ADAM32: variants seen among roughly 807,000 people sequenced by gnomAD.
ADAM32 encodes the protein ADAM metallopeptidase domain 32.
In ADAM32, 89 loss-of-function variants were observed where a neutral mutation model predicts 114.9. The observed-to-expected ratio is 0.77, with a 90% confidence interval of 0.65 to 0.92. The LOEUF (loss-of-function observed/expected upper bound fraction) is 0.92. ADAM32 is among the 40% of genes least tolerant of loss of function. The pLI is 0.00. For missense variants in ADAM32, 870 were observed against 932.8 expected (o/e 0.93, Z 0.88); for synonymous variants, 285 against 307.5 (o/e 0.93, Z 0.77).
chr8:39,107,944 G>A, intron 1 of ADAM32, 111 bp downstream of exon 1: 1 of 1,356,824 alleles, frequency 7.4e-7, no homozygotes. Flanking sequence ...CTGTCACCCT[G>A]GCAACGGGGC....
At position 39,273,513 on chromosome 8, in the gene ADAM32, C is replaced by A. The variant is rs190360620; in HGVS notation, c.2202-799C>A. On this transcript the variant is annotated intron_variant, in intron 20 of 24. Transcript: ENST00000379907. ...TTGCACTCCAGCCTGGGAGACAGAG[C>A]AAGACTCCACCTCAAAAAACAAACA... Among the ~76,000 whole-genome samples, 6 of 145,774 alleles carry A rather than the reference C, an allele frequency of 4.1e-5. No individual in the cohort carries two copies. In the East Asian group the frequency reaches 1.2e-3, roughly 29 times the overall value.
At chr8:39,202,557 G>T (rs1807498870) in intron 11 of ADAM32, among the ~76,000 whole-genome samples, 1 of 151,976 alleles carries the variant, frequency 6.6e-6, no homozygotes, top group Non-Finnish European at 1.5e-5. Context: ...TATCAATTTT[G>T]TTGATCTTTT....
chr8:39,263,126 C>CATTA (rs1300355840), intron 19 of ADAM32, among the ~76,000 whole-genome samples: 1 of 152,158 alleles, frequency 6.6e-6, no homozygotes, highest in Admixed American at 6.6e-5. Flanking sequence ...GGAGGAAGTA[C>CATTA]ATTACAGTGA....
chr8:39,258,203 C>G (rs1396646856), intron 19 of ADAM32, among the ~76,000 whole-genome samples: 1 of 151,074 alleles, frequency 6.6e-6, no homozygotes, highest in East Asian at 1.9e-4. Context: ...AAACATGTAA[C>G]TTTTGGTTTC....
At chr8:39,214,675 A>G (rs191079049) in intron 12 of ADAM32, among the ~76,000 whole-genome samples, 7 of 152,190 alleles carry the variant, frequency 4.6e-5, no homozygotes, top group Non-Finnish European at 1.0e-4. Flanking sequence ...TTTGCTATGC[A>G]GAAGGCTTTT....
upstream of ADAM32, chr8:39,107,637 A>G: frequency 4.7e-6 from 7 of 1,485,794 alleles, no homozygotes; most frequent in South Asian, 6.6e-5. Flanking sequence ...AAACACCGAG[A>G]GCACCCCGTC....
chr8:39,245,540 T>C (rs1009814522), intron 16 of ADAM32, among the ~76,000 whole-genome samples: 7 of 152,088 alleles, frequency 4.6e-5, no homozygotes, highest in Non-Finnish European at 1.5e-5. Flanking sequence ...AAAAAATAGA[T>C]TTGGATACAC....
chr8:39,131,593 G>A (rs544843792), intron 2 of ADAM32, among the ~76,000 whole-genome samples: 1 of 152,242 alleles, frequency 6.6e-6, no homozygotes, highest in South Asian at 2.1e-4. Context: ...TTATTGAATT[G>A]TCTATTTCTC....
At chr8:39,113,708 A>G (rs1840259860) in intron 1 of ADAM32, among the ~76,000 whole-genome samples, 3 of 152,142 alleles carry the variant, frequency 2.0e-5, no homozygotes, top group Admixed American at 1.3e-4. Flanking sequence ...GGCACTTGCT[A>G]CTTCTTGCTC....
chr8:39,129,263 A>G (rs919606876), intron 2 of ADAM32, among the ~76,000 whole-genome samples: 2 of 151,856 alleles, frequency 1.3e-5, no homozygotes, highest in African/African-American at 4.8e-5. Context: ...AAATGGTAAG[A>G]GGGGGCATTT....
At chr8:39,249,339 C>T (rs749901327) in intron 17 of ADAM32, among the ~76,000 whole-genome samples, 8 of 152,156 alleles carry the variant, frequency 5.3e-5, no homozygotes, top group Non-Finnish European at 7.3e-5. Flanking sequence ...TACATGCCTG[C>T]GATAAATCTT....
chr8:39,193,109 T>A (rs1206664182), intron 11 of ADAM32, among the ~76,000 whole-genome samples: 3 of 152,212 alleles, frequency 2.0e-5, no homozygotes, highest in Non-Finnish European at 4.4e-5. Flanking sequence ...GTTGCTTCCA[T>A]TCTCCCCATA....
chr8:39,277,382 C>G (rs772422898), intron 22 of ADAM32, among the ~76,000 whole-genome samples: 1 of 152,214 alleles, frequency 6.6e-6, no homozygotes, highest in Admixed American at 6.5e-5. Context: ...GGTGGCTGTG[C>G]TTTAGTGATA....
At chr8:39,177,042 A>C (rs1011781332) in intron 10 of ADAM32, among the ~76,000 whole-genome samples, 4 of 149,496 alleles carry the variant, frequency 2.7e-5, no homozygotes, top group African/African-American at 7.3e-5. Flanking sequence ...TTGCTTGGTA[A>C]ATTTTTCTTC....
intron 6 of ADAM32, among the ~76,000 whole-genome samples, chr8:39,154,815 ATGT>A (rs1164513424): frequency 2.7e-5 from 4 of 149,554 alleles, no homozygotes; most frequent in African/African-American, 9.8e-5. Flanking sequence ...TTTTTTTCAT[ATGT>A]TTGTTGGTTG....
intron 12 of ADAM32, among the ~76,000 whole-genome samples, chr8:39,217,125 A>C (rs74962263): frequency 7.0e-6 from 1 of 142,094 alleles, no homozygotes; most frequent in South Asian, 2.2e-4. Context: ...ATATTTTTTT[A>C]CCAGATATGC....
intron 15 of ADAM32, among the ~76,000 whole-genome samples, chr8:39,233,277 C>G (rs761330222): frequency 4.6e-5 from 7 of 152,184 alleles, no homozygotes; most frequent in Non-Finnish European, 8.8e-5. Context: ...ATATGCCAAG[C>G]AAGAGGTGTC....
intron 7 of ADAM32, among the ~76,000 whole-genome samples, chr8:39,162,884 C>T (rs1002978372): frequency 2.6e-5 from 4 of 151,942 alleles, no homozygotes; most frequent in African/African-American, 7.3e-5. Context: ...ACCTGTAGTC[C>T]CAGCTACTCA....
intron 11 of ADAM32, among the ~76,000 whole-genome samples, chr8:39,206,216 G>A (rs1426434503): frequency 6.6e-6 from 1 of 152,192 alleles, no homozygotes; most frequent in Non-Finnish European, 1.5e-5. Context: ...GCTGTGGTGA[G>A]GTTCTGCTAA....
Sources: gnomAD v4.1 joint callset for allele counts (sites outside exome capture counted in the v4.1 genomes callset) on GRCh38, gnomAD v4.1.1 for gene constraint, MANE v1.5 for transcripts, NCBI Gene and HGNC (gene_info 2026-07-23, HGNC 2026-07-21) for gene names.